The following GNG13 variants were observed in gnomAD, a reference collection of about 807,000 sequenced individuals.
GNG13 encodes guanine nucleotide-binding protein G(I)/G(S)/G(O) subunit gamma-13.
GNG13 carries 12 observed loss-of-function variants against 8.2 expected under a neutral mutation model. The observed-to-expected ratio is 1.47, with a 90% CI of 0.94 to 2.38. The LOEUF is 2.38. Among genes scored for constraint, GNG13 ranks in the 30% most tolerant of loss-of-function variants. The pLI is 0.00. For synonymous variants in GNG13, 45 were observed against 33.0 expected (o/e 1.37, Z -1.25); for missense variants, 100 against 85.2 (o/e 1.17, Z -0.68).
chr16:800,567 C>T (rs1035550164), intron 1 of GNG13, 99 bp downstream of exon 1: 10 of 152,200 alleles, frequency 6.6e-5, no homozygotes, highest in African/African-American at 9.7e-5. Context: ...GCCCTCGCCC[C>T]GGGAGTTAGG....
chr16:800,199 G>A (rs1036405289), intron 1 of GNG13, among the ~76,000 whole-genome samples: 1 of 152,132 alleles, frequency 6.6e-6, no homozygotes, highest in East Asian at 1.9e-4. Flanking sequence ...ATTCCCTCCC[G>A]GAGACTCTGG....
chr16:800,028 C>T lies in GNG13; in HGVS notation c.-35+638G>A, dbSNP rs1050681319. Among the ~76,000 whole-genome samples the T allele has an allele frequency of 9.1e-4, 139 of 152,160 alleles. 1 individual carries two copies. The highest frequency in any genetic ancestry group is 3.2e-3 in the African/African-American group (131 of 41,500). On this transcript the variant is annotated intron_variant, in intron 1 of 2. Coordinates refer to ENST00000248150, the MANE Select transcript of GNG13 (RefSeq NM_016541.3). Reference sequence around the variant, plus strand: ...CCATCCTTTGGTCGTGCAGCTGCACCGGCCACCTAGGGAGGGGCCCAGGGC... The same window carrying T: ...CCATCCTTTGGTCGTGCAGCTGCACTGGCCACCTAGGGAGGGGCCCAGGGC...
intron 2 of GNG13, 69 bp from the exon 3 acceptor site, chr16:798,893 G>C: frequency 1.5e-6 from 2 of 1,349,016 alleles, no homozygotes; most frequent in South Asian, 2.3e-5. Flanking sequence ...GCACCTGCCT[G>C]TCGGCGGCGG....
chr16:798,201 C>T lies in GNG13; in HGVS notation c.*518G>A, dbSNP rs570769307. On this transcript the variant is annotated 3_prime_UTR_variant, in exon 3 of 3. Coordinates refer to ENST00000248150, the MANE Select transcript of GNG13 (RefSeq NM_016541.3). ...GTGGGAGTGGGGCCAGGCGTGGTCT[C>T]ACAGGATAGAGTGAGTGGGGCCGGG... The T allele has an allele frequency of 2.3e-5, 14 of 620,606 alleles. No individual in the cohort carries two copies. Among genetic ancestry groups the T allele is most frequent in the South Asian group, 2.2e-4 (12 of 54,826 alleles). 38.4% of individuals were successfully genotyped at this position (620,606 alleles called of 1,614,324 possible).
rs564281989 is a variant in GNG13 at position 798,258 on chromosome 16, G to A, written c.*461C>T. On this transcript the variant is annotated 3_prime_UTR_variant, in exon 3 of 3. Coordinates refer to ENST00000248150, the MANE Select transcript of GNG13 (RefSeq NM_016541.3). ...CTCACAGGATGGAGTGAATGGGGCCGGGCACAGTCTTACAAGATGTTGTGA... is the reference window on the plus strand; with the variant it reads ...CTCACAGGATGGAGTGAATGGGGCCAGGCACAGTCTTACAAGATGTTGTGA... The A allele has an allele frequency of 2.5e-4, 145 of 580,020 alleles. 2 individuals carry two copies. The highest frequency in any genetic ancestry group is 1.1e-3 in the South Asian group (60 of 52,826). The allele number at this position is 580,020 out of a possible 1,614,324, so 35.9% of individuals were successfully genotyped here.
rs1470816504 is a variant in GNG13, at chr16:798,746, C to T, written c.177G>A (p.Val59=). The part of the protein sequence containing the change: ...NPDLMKNNPW[V]EKGKCTIL ...ACAGGATGGTGCATTTGCCCTTTTCCACCCATGGGTTGTTCTTCATCAGGT... is the reference window on the plus strand; with the variant it reads ...ACAGGATGGTGCATTTGCCCTTTTCTACCCATGGGTTGTTCTTCATCAGGT... Residue 59 remains valine, a synonymous_variant, in exon 3 of 3, where the codon GTG becomes GTA. Coordinates refer to ENST00000248150, the MANE Select transcript of GNG13 (RefSeq NM_016541.3). The T allele has an allele frequency of 6.8e-6, 11 of 1,611,964 alleles. No individual in the cohort carries two copies. Among genetic ancestry groups the T allele is most frequent in the Non-Finnish European group, 9.3e-6 (11 of 1,178,454 alleles).
rs764037656 is a variant in GNG13 at position 799,115 on chromosome 16, G to A, written c.-34-4C>T. Reference sequence around the variant, plus strand: ...TTCTGAAGCAGCCAGCCTGGGGCTGGAGGGCACAGGAGGAAGCCACAGGGC... The same window carrying A: ...TTCTGAAGCAGCCAGCCTGGGGCTGAAGGGCACAGGAGGAAGCCACAGGGC... On this transcript the variant is annotated splice_region_variant and splice_polypyrimidine_tract_variant and intron_variant, in intron 1 of 2. Coordinates refer to ENST00000248150, the MANE Select transcript of GNG13 (RefSeq NM_016541.3). 1.6e-6 allele frequency: 2 copies of A among 1,222,074 alleles called. No individual in the cohort carries two copies. The highest frequency in any genetic ancestry group is 1.5e-5 in the African/African-American group (1 of 67,360). 75.7% of individuals were successfully genotyped at this position (1,222,074 alleles called of 1,614,324 possible). A position where few individuals can be genotyped will look rare whatever the true frequency, so the allele number is the denominator to read the frequency against.
intron 2 of GNG13, 74 bp downstream of exon 2, chr16:798,906 G>A (rs1428682946): frequency 7.4e-7 from 1 of 1,358,808 alleles, no homozygotes; most frequent in African/African-American, 1.4e-5. Flanking sequence ...GGCGGCGGTG[G>A]TCGTGGCTAT....
At position 800,335 on chromosome 16, in the gene GNG13, G is replaced by A. The variant is rs576846167; in HGVS notation, c.-35+331C>T. Among the ~76,000 whole-genome samples the A allele has an allele frequency of 1.6e-3, 243 of 152,258 alleles. 2 individuals carry two copies. The highest frequency in any genetic ancestry group is 5.3e-3 in the African/African-American group (222 of 41,562). ...CCCAGGCCCGGGGTGTTGGCGCCCC[G>A]CCCACAGCCCAGTCCTTGCTGCCCA... On this transcript the variant is annotated intron_variant, in intron 1 of 2. Coordinates refer to ENST00000248150, the MANE Select transcript of GNG13 (RefSeq NM_016541.3).
rs2042437839 is a variant in GNG13, at chr16:800,664, A to T, written c.-35+2T>A. The T allele has an allele frequency of 6.6e-6, 1 of 152,056 alleles. No individual in the cohort carries two copies. The highest frequency in any genetic ancestry group is 1.5e-5 in the Non-Finnish European group (1 of 68,036). 9.4% of individuals were successfully genotyped at this position (152,056 alleles called of 1,614,324 possible). A position where few individuals can be genotyped will look rare whatever the true frequency, so the allele number is the denominator to read the frequency against. On this transcript the variant is annotated splice_donor_variant, in intron 1 of 2. Transcript: ENST00000248150. LOFTEE classifies it low-confidence loss of function (5UTR_SPLICE). ...CCCCGGGCGCCTGTTCATCGGACCT[A>T]CCTTGAAAAGGTGACAGCGGAGGGA...
Position 798,141 on chromosome 16 carries a change from G to A in GNG13, c.*578C>T, listed in dbSNP as rs957199798. 5.5e-6 allele frequency: 5 copies of A among 916,790 alleles called. No individual in the cohort carries two copies. Among genetic ancestry groups the A allele is most frequent in the Non-Finnish European group, 8.3e-6 (5 of 605,004 alleles). 56.8% of individuals were successfully genotyped at this position (916,790 alleles called of 1,614,324 possible). A position where few individuals can be genotyped will look rare whatever the true frequency, so the allele number is the denominator to read the frequency against. ...GGGCCGGGCGTGGGCTCATAGGATG[G>A]TGTGAGTGGGGCCAGGAGTGGGGCT... On this transcript the variant is annotated 3_prime_UTR_variant, in exon 3 of 3. Transcript: ENST00000248150.
Position 798,430 on chromosome 16 carries a change from C to T in GNG13, c.*289G>A. 6.9e-6 allele frequency: 3 copies of T among 434,188 alleles called. No homozygotes were observed. Among genetic ancestry groups the T allele is most frequent in the Non-Finnish European group, 1.2e-5 (3 of 245,538 alleles). 26.9% of individuals were successfully genotyped at this position (434,188 alleles called of 1,614,324 possible). ...GGCTCACAGGATGGTGGGAGTGGGGCTGGAAGTGGGGCTCACAGGATGGTG... is the reference window on the plus strand; with the variant it reads ...GGCTCACAGGATGGTGGGAGTGGGGTTGGAAGTGGGGCTCACAGGATGGTG... On this transcript the variant is annotated 3_prime_UTR_variant, in exon 3 of 3. Transcript: ENST00000248150.
At position 800,699 on chromosome 16, in the gene GNG13, C is replaced by G. The variant is rs911173249; in HGVS notation, c.-68G>C. 6.6e-6 allele frequency: 1 copy of G among 152,236 alleles called. No homozygotes were observed. Among genetic ancestry groups the G allele is most frequent in the Non-Finnish European group, 1.5e-5 (1 of 68,068 alleles). 9.4% of individuals were successfully genotyped at this position (152,236 alleles called of 1,614,324 possible). On this transcript the variant is annotated 5_prime_UTR_variant, in exon 1 of 3. Coordinates refer to ENST00000248150, the MANE Select transcript of GNG13 (RefSeq NM_016541.3). The stretch of plus-strand genomic sequence containing the variant: ...GGTGACAGCGGAGGGACAATGACAA[C>G]GGCCAGGCGACCGCGAGTGAGAGCG...
intron 1 of GNG13, among the ~76,000 whole-genome samples, chr16:799,609 T>C (rs1005306988): frequency 5.3e-5 from 8 of 152,230 alleles, no homozygotes; most frequent in African/African-American, 1.9e-4. Flanking sequence ...AGTTTGCTTC[T>C]CTGGCAGGTG....
At chr16:800,405 G>A (rs1421006521) in intron 1 of GNG13, among the ~76,000 whole-genome samples, 7 of 152,104 alleles carry the variant, frequency 4.6e-5, no homozygotes, top group African/African-American at 7.2e-5. Flanking sequence ...CACCCACCCC[G>A]TGCACCCCGT....
Position 798,233 on chromosome 16 carries a change from C to G in GNG13, c.*486G>C. The G allele has an allele frequency of 1.7e-6, 1 of 579,602 alleles. No individual in the cohort carries two copies. Among genetic ancestry groups the G allele is most frequent in the Non-Finnish European group, 3.0e-6 (1 of 334,270 alleles). 35.9% of individuals were successfully genotyped at this position (579,602 alleles called of 1,614,324 possible). A position where few individuals can be genotyped will look rare whatever the true frequency, so the allele number is the denominator to read the frequency against. On this transcript the variant is annotated 3_prime_UTR_variant, in exon 3 of 3. Transcript: ENST00000248150. ...TAGAGTGAGTGGGGCCGGGCGTGGT[C>G]TCACAGGATGGAGTGAATGGGGCCG...
intron 2 of GNG13, 70 bp from the exon 3 acceptor site, chr16:798,894 TCGG>T (rs2042422819): frequency 8.1e-6 from 11 of 1,351,662 alleles, no homozygotes; most frequent in Non-Finnish European, 1.2e-5. Flanking sequence ...CACCTGCCTG[TCGG>T]CGGCGGTGGT....
chr16:800,254 T>C (rs1000512492), intron 1 of GNG13, among the ~76,000 whole-genome samples: 1 of 152,080 alleles, frequency 6.6e-6, no homozygotes, highest in African/African-American at 2.4e-5. Context: ...GCAGGCCTTT[T>C]CTCGGAGACC....
intron 1 of GNG13, among the ~76,000 whole-genome samples, chr16:799,944 G>A (rs1207281767): frequency 3.3e-5 from 5 of 152,142 alleles, no homozygotes; most frequent in East Asian, 3.9e-4. Flanking sequence ...GGGGGTTGGC[G>A]TCAAGTTTCG....
Sources: allele counts gnomAD v4.1 joint callset (sites outside exome capture counted in the v4.1 genomes callset), GRCh38; gene constraint gnomAD v4.1.1; transcripts MANE v1.5; gene names NCBI Gene and HGNC (gene_info 2026-07-23, HGNC 2026-07-21).